Variants in PLD5 observed in about 807,000 individuals in gnomAD.
The protein encoded by PLD5 is phospholipase D family member 5.
Under a neutral mutation model 61.1 loss-of-function variants are expected in PLD5, and 36 were observed. That is an observed-to-expected ratio of 0.59 (90% CI 0.45 to 0.78). The LOEUF (loss-of-function observed/expected upper bound fraction) is 0.78. Ranked by LOEUF, PLD5 falls within the 30% of genes least tolerant of loss-of-function variation. The pLI, the probability that PLD5 is intolerant of heterozygous loss-of-function variation, is 0.00. For missense variants in PLD5, 515 were observed against 644.4 expected, an observed-to-expected ratio of 0.80 and a Z score of 2.17; for synonymous variants, 243 against 242.8, an observed-to-expected ratio of 1.00 and a Z score of -0.01.
chr1:242,358,035 C>A (rs12088926), intron 1 of PLD5, among the ~76,000 whole-genome samples: 1 of 152,178 alleles, frequency 6.6e-6, no homozygotes, highest in South Asian at 2.1e-4. Context: ...GTCTTTATTG[C>A]ATTTTTCAGT....
chr1:242,373,777 A>T (rs1026463668), intron 1 of PLD5, among the ~76,000 whole-genome samples: 1 of 152,120 alleles, frequency 6.6e-6, no homozygotes. Flanking sequence ...AAGAAGGGGA[A>T]CATCACACAC....
chr1:242,323,351 C>T (rs1344658175), intron 2 of PLD5, among the ~76,000 whole-genome samples: 1 of 152,108 alleles, frequency 6.6e-6, no homozygotes, highest in Non-Finnish European at 1.5e-5. Flanking sequence ...ATTACCCTCC[C>T]TTTAGGTAAC....
chr1:242,379,064 C>T (rs1184108653), intron 1 of PLD5, among the ~76,000 whole-genome samples: 1 of 152,020 alleles, frequency 6.6e-6, no homozygotes, highest in East Asian at 1.9e-4. Context: ...CAAAACTTAC[C>T]ATTTTAGATG....
At chr1:242,176,143 AAAG>A (rs1667126172) in intron 5 of PLD5, among the ~76,000 whole-genome samples, 1 of 152,220 alleles carries the variant, frequency 6.6e-6, no homozygotes, top group African/African-American at 2.4e-5. Flanking sequence ...TCCTAAATAA[AAAG>A]AATAAAGCTG....
intron 1 of PLD5, among the ~76,000 whole-genome samples, chr1:242,445,779 A>C: frequency 1.6e-5 from 2 of 127,536 alleles, no homozygotes; most frequent in African/African-American, 3.2e-5. Context: ...TTTTTTTTTC[A>C]AGCTGCTTGC....
chr1:242,453,146 G>A (rs960561229), intron 1 of PLD5, among the ~76,000 whole-genome samples: 1 of 152,166 alleles, frequency 6.6e-6, no homozygotes, highest in Non-Finnish European at 1.5e-5. Flanking sequence ...CAAGAGAGAG[G>A]AGCCCTCATG....
At chr1:242,516,164 T>C (rs1669094496) in intron 1 of PLD5, among the ~76,000 whole-genome samples, 1 of 151,644 alleles carries the variant, frequency 6.6e-6, no homozygotes, top group Non-Finnish European at 1.5e-5. Flanking sequence ...ACATTTTTCT[T>C]ATTGATTTGT....
At chr1:242,340,686 C>T (rs1216115448) in intron 2 of PLD5, among the ~76,000 whole-genome samples, 2 of 152,220 alleles carry the variant, frequency 1.3e-5, no homozygotes, top group African/African-American at 2.4e-5. Flanking sequence ...CTGCAATATA[C>T]AGATGAAAAG....
At chr1:242,326,820 C>T (rs1658819972) in intron 2 of PLD5, among the ~76,000 whole-genome samples, 2 of 151,962 alleles carry the variant, frequency 1.3e-5, no homozygotes, top group South Asian at 4.1e-4. Flanking sequence ...GATCCTCCCA[C>T]CTCAACCTCC....
intron 1 of PLD5, among the ~76,000 whole-genome samples, chr1:242,442,733 C>T (rs912626843): frequency 2.0e-5 from 3 of 152,108 alleles, no homozygotes; most frequent in Non-Finnish European, 2.9e-5. Context: ...AAAGAAGAGA[C>T]GCAGGGAAAG....
At chr1:242,279,732 C>T (rs1301432514) in intron 3 of PLD5, among the ~76,000 whole-genome samples, 1 of 152,064 alleles carries the variant, frequency 6.6e-6, no homozygotes, top group African/African-American at 2.4e-5. Flanking sequence ...TGGGGTTTAA[C>T]CATGTTGGCC....
chr1:242,420,667 G>C (rs1305935092), intron 1 of PLD5, among the ~76,000 whole-genome samples: 1 of 151,780 alleles, frequency 6.6e-6, no homozygotes, highest in Non-Finnish European at 1.5e-5. Context: ...GCTTTTCTGG[G>C]TCCATGATTT....
chr1:242,212,633 T>C (rs1187493881), intron 5 of PLD5, among the ~76,000 whole-genome samples: 1 of 151,690 alleles, frequency 6.6e-6, no homozygotes, highest in Non-Finnish European at 1.5e-5. Flanking sequence ...GAAGGAGCAG[T>C]ACAGAAAGAA....
rs1436753029 is a variant in PLD5, at chr1:242,524,457, C to A, written c.-181G>T. On this transcript the variant is annotated 5_prime_UTR_variant, in exon 1 of 10. Coordinates refer to ENST00000536534, the MANE Select transcript of PLD5 (RefSeq NM_001372062.1). ...CGGGGTGCTGAGCGCCAGCTGGGAG[C>A]GCGGCCGGGCGGGAGGGGGCGATCG... The A allele has an allele frequency of 2.7e-5, 11 of 404,206 alleles. No individual in the cohort carries two copies. Among genetic ancestry groups the A allele is most frequent in the Admixed American group, 1.1e-4 (2 of 19,002 alleles). The allele number at this position is 404,206 out of a possible 1,614,324, so 25.0% of individuals were successfully genotyped here. A position where few individuals can be genotyped will look rare whatever the true frequency, so the allele number is the denominator to read the frequency against.
chr1:242,380,874 C>T (rs868602882), intron 1 of PLD5, among the ~76,000 whole-genome samples: 2 of 151,956 alleles, frequency 1.3e-5, no homozygotes, highest in East Asian at 1.9e-4. Flanking sequence ...GTCAGAATGG[C>T]GATTATTAAA....
chr1:242,171,584 G>C (rs566101471), intron 5 of PLD5, among the ~76,000 whole-genome samples: 44 of 152,110 alleles, frequency 2.9e-4, no homozygotes, highest in African/African-American at 8.4e-4. Context: ...CCAATTAAAA[G>C]ATACAGACTG....
intron 9 of PLD5, among the ~76,000 whole-genome samples, chr1:242,091,243 G>A (rs1659800315): frequency 1.3e-5 from 2 of 152,172 alleles, no homozygotes; most frequent in Non-Finnish European, 2.9e-5. Context: ...TGGGGGTTAG[G>A]ACTTCAACAT....
intron 1 of PLD5, among the ~76,000 whole-genome samples, chr1:242,395,875 C>G (rs546666098): frequency 2.7e-4 from 41 of 152,206 alleles, no homozygotes; most frequent in African/African-American, 9.1e-4. Context: ...TGGTGAAGCC[C>G]CGTCTCTACT....
chr1:242,257,918 A>G (rs1673170738), intron 4 of PLD5, among the ~76,000 whole-genome samples: 1 of 152,160 alleles, frequency 6.6e-6, no homozygotes, highest in South Asian at 2.1e-4. Flanking sequence ...TGTCACGTTT[A>G]CCACTGCGTG....
Sources: allele counts gnomAD v4.1 joint callset (sites outside exome capture counted in the v4.1 genomes callset), GRCh38; gene constraint gnomAD v4.1.1; transcripts MANE v1.5; gene names NCBI Gene and HGNC (gene_info 2026-07-23, HGNC 2026-07-21).